RABGEF1: variants seen among roughly 807,000 people sequenced by gnomAD.
The protein encoded by RABGEF1 is rab5 GDP/GTP exchange factor.
In RABGEF1, 26 loss-of-function variants were observed where a neutral mutation model predicts 57.3. The observed-to-expected ratio is 0.45, with a 90% CI of 0.33 to 0.63. RABGEF1 has a LOEUF of 0.63. Among genes scored for constraint, RABGEF1 ranks in the 20% least tolerant of loss-of-function variants. The pLI, the probability that RABGEF1 is intolerant of heterozygous loss-of-function variation, is 0.02. For synonymous variants in RABGEF1, 185 were observed against 210.7 expected (o/e 0.88, Z 1.06); for missense variants, 464 against 607.6 (o/e 0.76, Z 2.48).
chr7:66,805,516 T>C, intron 8 of RABGEF1, 120 bp downstream of exon 8: 1 of 1,437,838 alleles, frequency 7.0e-7, no homozygotes, highest in South Asian at 1.3e-5. Flanking sequence ...GCAGCATGGC[T>C]GAGGAAGCTC....
At chr7:66,777,802 T>A (rs888803609) in intron 3 of RABGEF1, among the ~76,000 whole-genome samples, 1 of 152,120 alleles carries the variant, frequency 6.6e-6, no homozygotes, top group Admixed American at 6.6e-5. Flanking sequence ...TTAAAAAAAT[T>A]AATTAATTAA....
chr7:66,741,613 G>A (rs955521280), intron 1 of RABGEF1, among the ~76,000 whole-genome samples: 2 of 152,190 alleles, frequency 1.3e-5, no homozygotes, highest in Non-Finnish European at 2.9e-5. Context: ...AATTTTCCCA[G>A]GACGAGTTTA....
chr7:66,799,546 TAAG>T (rs2129179814), intron 7 of RABGEF1, 132 bp downstream of exon 7: 1 of 714,982 alleles, frequency 1.4e-6, no homozygotes, highest in African/African-American at 1.8e-5. Context: ...AAGTGATTTG[TAAG>T]ATTGTTTTAT....
At chr7:66,754,399 C>T (rs556453726) in intron 1 of RABGEF1, among the ~76,000 whole-genome samples, 1 of 149,612 alleles carries the variant, frequency 6.7e-6, no homozygotes, top group East Asian at 2.0e-4. Context: ...AGCCATCATA[C>T]TTTAATATCT....
chr7:66,785,313 T>C (rs1007063278), intron 4 of RABGEF1, among the ~76,000 whole-genome samples: 1 of 152,342 alleles, frequency 6.6e-6, no homozygotes, highest in African/African-American at 2.4e-5. Context: ...TTCTACACTA[T>C]GTGTTTCATG....
chr7:66,684,868 C>T (rs1271982377), intron 1 of RABGEF1, among the ~76,000 whole-genome samples: 1 of 152,154 alleles, frequency 6.6e-6, no homozygotes, highest in African/African-American at 2.4e-5. Context: ...ATCTCCTGAC[C>T]TCGTGGTCTG....
chr7:66,774,225 T>C lies in RABGEF1; in HGVS notation c.180-1002T>C, dbSNP rs1356814231. ...AAAGTCTTTTGAATTTTACCTTTTG[T>C]ACTCCTATTTTCCAGGTGCTTATTT... On this transcript the variant is annotated intron_variant, in intron 2 of 8. Coordinates refer to ENST00000284957, the MANE Select transcript of RABGEF1 (RefSeq NM_014504.3). Among the ~76,000 whole-genome samples the C allele has an allele frequency of 2.6e-5, 4 of 152,234 alleles. No homozygotes were observed. The East Asian group carries it at 7.7e-4, about 29-fold the overall frequency.
chr7:66,735,684 CT>C (rs1037474432), intron 2 of RABGEF1, among the ~76,000 whole-genome samples: 3 of 151,860 alleles, frequency 2.0e-5, no homozygotes, highest in African/African-American at 7.3e-5. Flanking sequence ...GCACCTCCCC[CT>C]CTCTCTCTCT....
intron 4 of RABGEF1, among the ~76,000 whole-genome samples, chr7:66,795,206 TC>T (rs1813727634): frequency 6.6e-6 from 1 of 152,112 alleles, no homozygotes; most frequent in Non-Finnish European, 1.5e-5. Context: ...CCCCTTTTCT[TC>T]CTTTTCACCT....
At chr7:66,783,298 G>T (rs1013193769) in intron 3 of RABGEF1, among the ~76,000 whole-genome samples, 1 of 152,178 alleles carries the variant, frequency 6.6e-6, no homozygotes, top group African/African-American at 2.4e-5. Flanking sequence ...TCTATTGATT[G>T]TTATTCTATT....
chr7:66,759,208 C>T (rs1382344537), intron 1 of RABGEF1, among the ~76,000 whole-genome samples: 1 of 152,186 alleles, frequency 6.6e-6, no homozygotes, highest in Admixed American at 6.5e-5. Context: ...TTTCGTAATT[C>T]GTTCGAGGCT....
chr7:66,752,781 T>G (rs1801738717), intron 1 of RABGEF1, among the ~76,000 whole-genome samples: 1 of 152,224 alleles, frequency 6.6e-6, no homozygotes, highest in African/African-American at 2.4e-5. Flanking sequence ...CAAGTGATAT[T>G]GATGTACATT....
intron 3 of RABGEF1, among the ~76,000 whole-genome samples, chr7:66,782,917 A>C (rs893119175): frequency 1.3e-5 from 2 of 152,254 alleles, no homozygotes; most frequent in Non-Finnish European, 2.9e-5. Context: ...AATGTGGTCA[A>C]AGACCAAGTG....
At chr7:66,745,735 C>G (rs973348934) in intron 1 of RABGEF1, among the ~76,000 whole-genome samples, 1 of 150,216 alleles carries the variant, frequency 6.7e-6, no homozygotes, top group Non-Finnish European at 1.5e-5. Flanking sequence ...TGCCACTGCA[C>G]TCCAGCTTGG....
At chr7:66,801,795 T>C (rs564210801) in intron 7 of RABGEF1, among the ~76,000 whole-genome samples, 4 of 152,330 alleles carry the variant, frequency 2.6e-5, no homozygotes, top group Admixed American at 1.3e-4. Flanking sequence ...CCTTTCCCAT[T>C]TGGCTCCACC....
chr7:66,706,528 G>A (rs1794115646), intron 1 of RABGEF1, among the ~76,000 whole-genome samples: 1 of 151,612 alleles, frequency 6.6e-6, no homozygotes, highest in Admixed American at 6.6e-5. Context: ...TCCTGCCTCA[G>A]CCTTCTGAGT....
chr7:66,693,085 C>T (rs1279484638), intron 1 of RABGEF1, among the ~76,000 whole-genome samples: 1 of 152,180 alleles, frequency 6.6e-6, no homozygotes, highest in Non-Finnish European at 1.5e-5. Context: ...CTGAAAGGCA[C>T]GTCGTTCTAG....
intron 3 of RABGEF1, among the ~76,000 whole-genome samples, chr7:66,783,037 T>A (rs894728093): frequency 6.6e-6 from 1 of 152,172 alleles, no homozygotes; most frequent in Non-Finnish European, 1.5e-5. Flanking sequence ...GGGAAAGAAT[T>A]GTCTGCCCAG....
At position 66,743,724 on chromosome 7, in the gene RABGEF1, A is replaced by G. The variant is rs369857086; in HGVS notation, c.-18+2932A>G. Among the ~76,000 whole-genome samples the G allele has an allele frequency of 3.3e-5, 5 of 152,116 alleles. No individual in the cohort carries two copies. The East Asian group carries it at 7.7e-4, about 24-fold the overall frequency. On this transcript the variant is annotated intron_variant, in intron 1 of 8. Coordinates refer to ENST00000284957, the MANE Select transcript of RABGEF1 (RefSeq NM_014504.3). ...CACTGTGTCAGCCAGGATGGTCTCAATCTCCTGACCTCGTGATCCGCCCTC... is the reference window on the plus strand; with the variant it reads ...CACTGTGTCAGCCAGGATGGTCTCAGTCTCCTGACCTCGTGATCCGCCCTC...
Sources: allele counts gnomAD v4.1 joint callset (sites outside exome capture counted in the v4.1 genomes callset), GRCh38; gene constraint gnomAD v4.1.1; transcripts MANE v1.5; gene names NCBI Gene and HGNC (gene_info 2026-07-23, HGNC 2026-07-21).